SCHIP1: variants seen among roughly 807,000 people sequenced by gnomAD.
The protein encoded by SCHIP1 is schwannomin-interacting protein 1.
Under a neutral mutation model 29.7 loss-of-function variants are expected in SCHIP1, and 8 were observed. That is an observed-to-expected ratio of 0.27 (90% CI 0.16 to 0.49). The LOEUF is 0.49. Among genes scored for constraint, SCHIP1 ranks in the 20% least tolerant of loss-of-function variants. The pLI is 0.99. For missense variants in SCHIP1, 193 were observed against 294.6 expected (o/e 0.66, Z 2.52); for synonymous variants, 76 against 94.9 (o/e 0.80, Z 1.16).
chr3:159,427,723 G>A, the SCHIP1 span, among the ~76,000 whole-genome samples: 2 of 152,174 alleles, frequency 1.3e-5, no homozygotes, highest in South Asian at 4.2e-4. Flanking sequence ...CCAAAAAAGA[G>A]CCCGCATCAC....
At chr3:159,316,872 G>A in the SCHIP1 span, among the ~76,000 whole-genome samples, 3 of 152,180 alleles carry the variant, frequency 2.0e-5, no homozygotes, top group Non-Finnish European at 1.5e-5. Flanking sequence ...ACAAAAGAAG[G>A]AGGAAATACT....
At chr3:159,348,408 C>G in the SCHIP1 span, among the ~76,000 whole-genome samples, 1 of 152,102 alleles carries the variant, frequency 6.6e-6, no homozygotes, top group Admixed American at 6.6e-5. Context: ...ACCATATTTA[C>G]ACAAAGAGTA....
At chr3:159,366,175 G>T in the SCHIP1 span, among the ~76,000 whole-genome samples, 2 of 152,114 alleles carry the variant, frequency 1.3e-5, no homozygotes, top group Non-Finnish European at 2.9e-5. Flanking sequence ...GCATGAGCAA[G>T]AGAGAAAGAG....
At chr3:159,294,307 T>C in the SCHIP1 span, among the ~76,000 whole-genome samples, 5 of 152,210 alleles carry the variant, frequency 3.3e-5, no homozygotes, top group African/African-American at 1.2e-4. Flanking sequence ...TGTGGTTCCA[T>C]CTCTGCCTCA....
intron 1 of SCHIP1, chr3:159,846,188 T>A (rs974411750): frequency 2.6e-5 from 4 of 152,168 alleles, no homozygotes; most frequent in African/African-American, 9.7e-5. Flanking sequence ...TTTTAATACA[T>A]CCGTCTGCCT....
chr3:159,328,598 G>A, the SCHIP1 span, among the ~76,000 whole-genome samples: 342 of 152,248 alleles, frequency 2.2e-3, 2 homozygotes, highest in African/African-American at 7.8e-3. Flanking sequence ...GTAGAAGTGC[G>A]AACCAAGAAG....
the SCHIP1 span, among the ~76,000 whole-genome samples, chr3:159,473,674 GAA>G: frequency 0.18 from 14,835 of 81,630 alleles, 705 homozygotes; most frequent in South Asian, 0.35. Context: ...ATGTAACTAC[GAA>G]AAAAAAAAAA....
chr3:159,820,525 ATATT>A, the SCHIP1 span, among the ~76,000 whole-genome samples: 2 of 152,356 alleles, frequency 1.3e-5, no homozygotes, highest in Admixed American at 1.3e-4. Context: ...ATATTTTAAA[ATATT>A]TAACTTTCAG....
chr3:159,489,266 CTG>C, the SCHIP1 span, among the ~76,000 whole-genome samples: 3 of 152,130 alleles, frequency 2.0e-5, no homozygotes, highest in Non-Finnish European at 2.9e-5. Context: ...CCCTCTATCT[CTG>C]TGAATTTGTG....
chr3:159,332,045 C>T, the SCHIP1 span, among the ~76,000 whole-genome samples: 2 of 152,176 alleles, frequency 1.3e-5, no homozygotes, highest in African/African-American at 4.8e-5. Flanking sequence ...CTTCCCCATC[C>T]CAAGCTGTGC....
the SCHIP1 span, among the ~76,000 whole-genome samples, chr3:159,376,227 G>C: frequency 1.3e-5 from 2 of 152,118 alleles, no homozygotes; most frequent in Non-Finnish European, 2.9e-5. Context: ...TATGCAAAAA[G>C]GAAGCAGTAT....
chr3:159,628,501 A>G, the SCHIP1 span, among the ~76,000 whole-genome samples: 2 of 152,208 alleles, frequency 1.3e-5, no homozygotes, highest in Non-Finnish European at 2.9e-5. Context: ...CATACTTTAA[A>G]ATAACTATGA....
At chr3:159,496,615 G>C in the SCHIP1 span, among the ~76,000 whole-genome samples, 1 of 152,194 alleles carries the variant, frequency 6.6e-6, no homozygotes, top group Non-Finnish European at 1.5e-5. Flanking sequence ...ACAGGTGCTG[G>C]AGAGGATGTG....
chr3:159,400,298 G>A, the SCHIP1 span, among the ~76,000 whole-genome samples: 1 of 152,226 alleles, frequency 6.6e-6, no homozygotes, highest in South Asian at 2.1e-4. Context: ...CAAAGTGGTA[G>A]GGGAGAGTAT....
At chr3:159,394,816 G>T in the SCHIP1 span, among the ~76,000 whole-genome samples, 119,098 of 151,914 alleles carry the variant, frequency 0.78, 47,054 homozygotes, top group African/African-American at 0.83. Flanking sequence ...GTATCAGAAT[G>T]ATGCTGGCCT....
At chr3:159,483,291 T>C in the SCHIP1 span, among the ~76,000 whole-genome samples, 2 of 152,150 alleles carry the variant, frequency 1.3e-5, no homozygotes, top group African/African-American at 2.4e-5. Context: ...TTTGCTTTAC[T>C]GGGTCTACAC....
At chr3:159,669,221 G>A in the SCHIP1 span, among the ~76,000 whole-genome samples, 22 of 152,310 alleles carry the variant, frequency 1.4e-4, no homozygotes, top group South Asian at 4.4e-3. Context: ...AAAGGAGAGG[G>A]CCAGGCACAT....
the SCHIP1 span, among the ~76,000 whole-genome samples, chr3:159,445,442 G>C: frequency 1.4e-5 from 2 of 146,028 alleles, no homozygotes; most frequent in South Asian, 2.1e-4. Context: ...CTGTAAACTA[G>C]TTCAACCATT....
chr3:159,684,134 TC>T, the SCHIP1 span, among the ~76,000 whole-genome samples: 1 of 152,064 alleles, frequency 6.6e-6, no homozygotes, highest in African/African-American at 2.4e-5. Context: ...CACCTCCTAA[TC>T]TAACTGTCAC....
Sources: allele counts gnomAD v4.1 joint callset (sites outside exome capture counted in the v4.1 genomes callset), GRCh38; gene constraint gnomAD v4.1.1; transcripts MANE v1.5; gene names NCBI Gene and HGNC (gene_info 2026-07-23, HGNC 2026-07-21).